PDSS2: variants seen among roughly 807,000 people sequenced by gnomAD.
PDSS2 encodes the protein all trans-polyprenyl-diphosphate synthase PDSS2.
A neutral mutation model predicts 44.5 loss-of-function variants in PDSS2; 31 were observed. That is an observed-to-expected ratio of 0.70 (90% confidence interval 0.52 to 0.94). The LOEUF is 0.94. Among genes scored for constraint, PDSS2 ranks in the 40% least tolerant of loss-of-function variants. PDSS2 has a pLI of 0.00. For synonymous variants in PDSS2, 157 were observed against 180.3 expected (o/e 0.87, Z 1.03); for missense variants, 452 against 482.2 (o/e 0.94, Z 0.59).
At chr6:107,268,989 G>A (rs1260698865) in intron 3 of PDSS2, among the ~76,000 whole-genome samples, 1 of 151,508 alleles carries the variant, frequency 6.6e-6, no homozygotes, top group Non-Finnish European at 1.5e-5. Flanking sequence ...GCCCAGGCTG[G>A]AGTGCAGTGG....
intron 3 of PDSS2, among the ~76,000 whole-genome samples, chr6:107,259,497 T>G (rs540801913): frequency 1.2e-4 from 18 of 151,650 alleles, no homozygotes; most frequent in Non-Finnish European, 2.6e-4. Context: ...ACCCCACTTC[T>G]ACTAAAAATA....
At chr6:107,201,594 C>T (rs1191850689) in intron 6 of PDSS2, among the ~76,000 whole-genome samples, 3 of 152,092 alleles carry the variant, frequency 2.0e-5, no homozygotes, top group Non-Finnish European at 4.4e-5. Flanking sequence ...GATTGGATGA[C>T]ATAAATGAAC....
intron 1 of PDSS2, among the ~76,000 whole-genome samples, chr6:107,434,653 G>A (rs950677106): frequency 3.3e-5 from 5 of 152,008 alleles, no homozygotes; most frequent in Non-Finnish European, 5.9e-5. Context: ...CAAAAATATC[G>A]TTAAAATGAA....
In PDSS2 at chr6:107,434,736, TAA is replaced by T. The variant is rs138179236; in HGVS notation, c.296+24252_296+24253del. 3.0e-3 allele frequency among the ~76,000 whole-genome samples: 460 copies of T among 152,216 alleles called. 3 individuals carry two copies. Among genetic ancestry groups the T allele is most frequent in the African/African-American group, 9.6e-3 (400 of 41,532 alleles). On this transcript the variant is annotated intron_variant, in intron 1 of 7. Coordinates refer to ENST00000369037, the MANE Select transcript of PDSS2 (RefSeq NM_020381.4). ...TATTTACTGTACATTTTAAAATAAT[TAA>T]AAGAGTATTACTAGAATGTTTGTAT... is the stretch of plus-strand genomic sequence containing the variant.
At chr6:107,269,304 G>A (rs1370628538) in intron 3 of PDSS2, among the ~76,000 whole-genome samples, 1 of 150,890 alleles carries the variant, frequency 6.6e-6, no homozygotes, top group African/African-American at 2.4e-5. Context: ...TTTAGATGGT[G>A]CAAAATCTAG....
chr6:107,210,046 C>G (rs183649212), intron 6 of PDSS2, among the ~76,000 whole-genome samples: 1 of 152,046 alleles, frequency 6.6e-6, no homozygotes, highest in Admixed American at 6.5e-5. Flanking sequence ...ACCCAATGAG[C>G]TGACAGACGG....
At chr6:107,290,863 CT>C (rs956975908) in intron 2 of PDSS2, among the ~76,000 whole-genome samples, 5 of 152,214 alleles carry the variant, frequency 3.3e-5, no homozygotes, top group African/African-American at 7.2e-5. Context: ...GACATACTAG[CT>C]TTTTTCCCCC....
chr6:107,308,836 G>T (rs985875938), intron 2 of PDSS2, among the ~76,000 whole-genome samples: 4 of 152,216 alleles, frequency 2.6e-5, no homozygotes, highest in African/African-American at 9.6e-5. Flanking sequence ...GCCAGACGAT[G>T]AACAGAGTCG....
chr6:107,426,765 C>T (rs947584675), intron 1 of PDSS2, among the ~76,000 whole-genome samples: 1 of 152,146 alleles, frequency 6.6e-6, no homozygotes, highest in African/African-American at 2.4e-5. Flanking sequence ...TATGACTGCC[C>T]TGCTTGATTT....
intron 3 of PDSS2, among the ~76,000 whole-genome samples, chr6:107,269,477 T>A (rs1428792289): frequency 6.6e-6 from 1 of 152,052 alleles, no homozygotes; most frequent in Non-Finnish European, 1.5e-5. Context: ...GTATATCGTT[T>A]GAGTTGTTAC....
intron 2 of PDSS2, among the ~76,000 whole-genome samples, chr6:107,331,167 C>CA (rs1379790397): frequency 6.6e-6 from 1 of 152,118 alleles, no homozygotes; most frequent in East Asian, 1.9e-4. Context: ...AAGACTCCAG[C>CA]AAAAGTTACA....
At chr6:107,229,989 G>T (rs1460463901) in intron 4 of PDSS2, 1 of 214,104 alleles carries the variant, frequency 4.7e-6, no homozygotes, top group Non-Finnish European at 9.9e-6. Context: ...TGTACGACTC[G>T]CTGGATTATG....
intron 2 of PDSS2, among the ~76,000 whole-genome samples, chr6:107,311,686 A>T (rs542333605): frequency 1.2e-4 from 18 of 152,312 alleles, no homozygotes; most frequent in Non-Finnish European, 2.2e-4. Flanking sequence ...GAGAATATGA[A>T]TTTGCAGTAA....
chr6:107,336,685 A>G (rs1777903156), intron 1 of PDSS2, among the ~76,000 whole-genome samples: 1 of 151,944 alleles, frequency 6.6e-6, no homozygotes, highest in African/African-American at 2.4e-5. Flanking sequence ...TTTGCTTTGA[A>G]TTACAACTTT....
At chr6:107,251,582 C>G (rs948443461) in intron 3 of PDSS2, among the ~76,000 whole-genome samples, 2 of 152,174 alleles carry the variant, frequency 1.3e-5, no homozygotes, top group African/African-American at 4.8e-5. Context: ...CAGGAACAAA[C>G]AGCAATGCAT....
At chr6:107,415,623 C>G (rs1225478511) in intron 1 of PDSS2, among the ~76,000 whole-genome samples, 1 of 152,126 alleles carries the variant, frequency 6.6e-6, no homozygotes, top group Non-Finnish European at 1.5e-5. Context: ...GTGGCTCCAT[C>G]TAGAAGGTTG....
chr6:107,199,091 C>CT (rs1252508575), intron 6 of PDSS2, among the ~76,000 whole-genome samples: 1 of 152,142 alleles, frequency 6.6e-6, no homozygotes, highest in African/African-American at 2.4e-5. Context: ...TATCCTTATT[C>CT]TTTTTGTAAG....
At chr6:107,224,674 G>C (rs896435870) in intron 4 of PDSS2, among the ~76,000 whole-genome samples, 2 of 150,958 alleles carry the variant, frequency 1.3e-5, no homozygotes, top group South Asian at 4.2e-4. Flanking sequence ...CCATTTTTTT[G>C]CTGCTGAAAG....
chr6:107,292,089 C>T (rs79207935), intron 2 of PDSS2, among the ~76,000 whole-genome samples: 2,018 of 152,108 alleles, frequency 0.013, 31 homozygotes, highest in East Asian at 0.056. Flanking sequence ...AATAAAAAGT[C>T]TCTGCAGCTG....
Sources: gnomAD v4.1 joint callset for allele counts (sites outside exome capture counted in the v4.1 genomes callset) on GRCh38, gnomAD v4.1.1 for gene constraint, MANE v1.5 for transcripts, NCBI Gene and HGNC (gene_info 2026-07-23, HGNC 2026-07-21) for gene names.